SBF2: variants seen among roughly 807,000 people sequenced by gnomAD.
SBF2 encodes the protein SET binding factor 2.
A neutral mutation model predicts 225.2 loss-of-function variants in SBF2; 112 were observed. The observed-to-expected ratio is 0.50, with a 90% CI of 0.43 to 0.58. The LOEUF (loss-of-function observed/expected upper bound fraction) is 0.58. Among genes scored for constraint, SBF2 ranks in the 20% least tolerant of loss-of-function variants. SBF2 has a pLI of 0.00. For missense variants in SBF2, 1,996 were observed against 2,206.2 expected (o/e 0.90, Z 1.91); for synonymous variants, 763 against 773.3 (o/e 0.99, Z 0.22).
At chr11:10,028,598 T>A in intron 5 of SBF2, 41 bp from the exon 6 acceptor site, 4 of 1,274,436 alleles carry the variant, frequency 3.1e-6, no homozygotes, top group Non-Finnish European at 4.6e-6. Flanking sequence ...ACACACGATT[T>A]CAGCCATTTT....
chr11:10,199,611 A>T (rs1957504231), intron 1 of SBF2, among the ~76,000 whole-genome samples: 1 of 152,256 alleles, frequency 6.6e-6, no homozygotes, highest in African/African-American at 2.4e-5. Context: ...GTCTATAAAA[A>T]GGAGATTTAG....
intron 2 of SBF2, among the ~76,000 whole-genome samples, chr11:10,184,324 G>C (rs1185791498): frequency 6.6e-6 from 1 of 152,130 alleles, no homozygotes; most frequent in Non-Finnish European, 1.5e-5. Context: ...TTGAAACCAG[G>C]TAGTATAAGT....
chr11:9,928,411 C>A (rs1864225476), intron 16 of SBF2, among the ~76,000 whole-genome samples: 1 of 152,102 alleles, frequency 6.6e-6, no homozygotes, highest in African/African-American at 2.4e-5. Context: ...CAACCACACA[C>A]CTATTAGGAT....
intron 16 of SBF2, among the ~76,000 whole-genome samples, chr11:9,936,079 G>T (rs1312904565): frequency 6.6e-6 from 1 of 151,764 alleles, no homozygotes; most frequent in Non-Finnish European, 1.5e-5. Context: ...CTAATATCCA[G>T]AATCTACAAA....
chr11:9,853,512 G>A (rs375974847), intron 20 of SBF2, 28 bp downstream of exon 20: 2 of 1,602,276 alleles, frequency 1.2e-6, no homozygotes, highest in East Asian at 4.5e-5. Flanking sequence ...CCAATATTCT[G>A]ATTCTCTAAT....
chr11:10,233,288 C>T (rs1017630380), intron 1 of SBF2, among the ~76,000 whole-genome samples: 3 of 151,914 alleles, frequency 2.0e-5, no homozygotes, highest in Admixed American at 1.3e-4. Context: ...GACAAGATTT[C>T]TTCACATGTA....
intron 1 of SBF2, among the ~76,000 whole-genome samples, chr11:10,209,772 T>C (rs1377689077): frequency 6.6e-6 from 1 of 152,106 alleles, no homozygotes; most frequent in African/African-American, 2.4e-5. Context: ...TATGTTCCAC[T>C]GCATATGACA....
chr11:10,273,250 G>A (rs903062756), intron 1 of SBF2, among the ~76,000 whole-genome samples: 9 of 152,180 alleles, frequency 5.9e-5, no homozygotes, highest in African/African-American at 2.2e-4. Flanking sequence ...AAATGAAAGG[G>A]ATAGGACAAG....
At chr11:9,902,700 G>C (rs989107117) in intron 16 of SBF2, among the ~76,000 whole-genome samples, 6 of 152,284 alleles carry the variant, frequency 3.9e-5, no homozygotes, top group African/African-American at 1.4e-4. Flanking sequence ...AGATAAATAT[G>C]TAGGTAAATC....
intron 2 of SBF2, among the ~76,000 whole-genome samples, chr11:10,127,234 A>G (rs1953798854): frequency 6.6e-6 from 1 of 152,140 alleles, no homozygotes; most frequent in Non-Finnish European, 1.5e-5. Context: ...AATTAAATAA[A>G]TACAGATTCC....
intron 1 of SBF2, among the ~76,000 whole-genome samples, chr11:10,233,657 G>A (rs934063669): frequency 1.3e-5 from 2 of 150,608 alleles, no homozygotes; most frequent in South Asian, 2.1e-4. Flanking sequence ...CCAAAGATAT[G>A]AGCCACTCAG....
intron 1 of SBF2, among the ~76,000 whole-genome samples, chr11:10,278,554 G>T (rs1963146530): frequency 6.6e-6 from 1 of 152,156 alleles, no homozygotes; most frequent in Non-Finnish European, 1.5e-5. Context: ...GCCAAGGCGG[G>T]TGGATTACCT....
chr11:9,929,048 T>C, intron 16 of SBF2: 1 of 443,112 alleles, frequency 2.3e-6, no homozygotes. Context: ...TCAAGAAGTT[T>C]TGCAAAGGAG....
Position 9,858,330 on chromosome 11 carries a change from G to T in SBF2, c.1996C>A (p.Gln666Lys). The part of the protein sequence containing the change: ...CVQDHPIWTN[Q>K]QFWETTFYNA... ...TAAAAGGTTGTCTCCCAAAATTGCT[G>T]ATTTGTCCAAATGGGGTGGTCTTGT... Residue 666 changes from glutamine to lysine, a missense_variant, in exon 18 of 40, where the codon CAG (glutamine) becomes AAG (lysine). Coordinates refer to ENST00000256190, the MANE Select transcript of SBF2 (RefSeq NM_030962.4). 1 of 1,614,184 alleles carries T rather than the reference G, an allele frequency of 6.2e-7. No homozygotes were observed. Among genetic ancestry groups the T allele is most frequent in the Non-Finnish European group, 8.5e-7 (1 of 1,180,014 alleles).
intron 2 of SBF2, among the ~76,000 whole-genome samples, chr11:10,098,149 G>A (rs939350269): frequency 2.0e-5 from 3 of 151,934 alleles, no homozygotes; most frequent in Non-Finnish European, 4.4e-5. Flanking sequence ...CCCTATATGT[G>A]CCCCTGCAGA....
At chr11:10,286,160 G>GCA (rs1447127688) in intron 1 of SBF2, among the ~76,000 whole-genome samples, 1 of 110,352 alleles carries the variant, frequency 9.1e-6, no homozygotes, top group Non-Finnish European at 2.0e-5. Flanking sequence ...ACATAAACAC[G>GCA]CACACGCACA....
At chr11:10,125,129 T>G (rs76849586) in intron 2 of SBF2, among the ~76,000 whole-genome samples, 2 of 109,400 alleles carry the variant, frequency 1.8e-5, no homozygotes, top group Non-Finnish European at 3.9e-5. Context: ...AAAAAAAAAT[T>G]CTACTTAGAA....
chr11:9,933,336 C>T (rs1293109657), intron 16 of SBF2, among the ~76,000 whole-genome samples: 1 of 152,140 alleles, frequency 6.6e-6, no homozygotes, highest in Non-Finnish European at 1.5e-5. Context: ...AACTCTCCAC[C>T]CCAAATCAAC....
intron 13 of SBF2, among the ~76,000 whole-genome samples, chr11:9,971,337 T>C (rs185794159): frequency 2.4e-4 from 37 of 152,158 alleles, no homozygotes; most frequent in African/African-American, 8.7e-4. Flanking sequence ...TTATATTATC[T>C]GTCTTCTGTC....
Sources: gnomAD v4.1 joint callset for allele counts (sites outside exome capture counted in the v4.1 genomes callset) on GRCh38, gnomAD v4.1.1 for gene constraint, MANE v1.5 for transcripts, NCBI Gene and HGNC (gene_info 2026-07-23, HGNC 2026-07-21) for gene names.